The following LEPROTL1 variants were observed in gnomAD, a reference collection of about 807,000 sequenced individuals.
The protein encoded by LEPROTL1 is leptin receptor overlapping transcript like 1, also known as leptin receptor overlapping transcript-like 1.
LEPROTL1 carries 6 observed loss-of-function variants against 15.4 expected under a neutral mutation model. The ratio of observed to expected loss-of-function variants is 0.39; its 90% CI spans 0.21 to 0.77. The LOEUF is 0.77. LEPROTL1 is among the 30% of genes least tolerant of loss of function. LEPROTL1 has a pLI of 0.41. For synonymous variants in LEPROTL1, 56 were observed against 52.6 expected (o/e 1.06, Z -0.28); for missense variants, 128 against 158.1 (o/e 0.81, Z 1.02).
chr8:30,102,231 C>T (rs559757945), intron 2 of LEPROTL1, among the ~76,000 whole-genome samples: 1 of 152,250 alleles, frequency 6.6e-6, no homozygotes, highest in African/African-American at 2.4e-5. Flanking sequence ...CACAGTACCT[C>T]AGCCCTCCTG....
chr8:30,112,327 C>T (rs545777800), downstream of LEPROTL1, among the ~76,000 whole-genome samples: 19 of 147,632 alleles, frequency 1.3e-4, no homozygotes, highest in African/African-American at 4.7e-4. Flanking sequence ...CCTCCACCTC[C>T]TGGGTTCAAG....
At chr8:30,095,940 T>C in intron 1 of LEPROTL1, 1 of 690,102 alleles carries the variant, frequency 1.4e-6, no homozygotes, top group East Asian at 2.8e-5. Context: ...ATGCCAGCTA[T>C]GGAAAACCAG....
chr8:30,108,957 GT>G (rs1332378912), downstream of LEPROTL1, among the ~76,000 whole-genome samples: 1 of 152,016 alleles, frequency 6.6e-6, no homozygotes, highest in African/African-American at 2.4e-5. Flanking sequence ...TAGAGATGGG[GT>G]TTTGCCATGT....
At chr8:30,132,850 G>C (rs139513140) in intron 4 of LEPROTL1, 17 of 1,551,272 alleles carry the variant, frequency 1.1e-5, no homozygotes, top group Non-Finnish European at 1.3e-5. Context: ...AATGTCCAGA[G>C]AGAGGGACGT....
At chr8:30,128,947 C>T (rs1344490810) in intron 3 of LEPROTL1, among the ~76,000 whole-genome samples, 1 of 150,646 alleles carries the variant, frequency 6.6e-6, no homozygotes, top group East Asian at 2.0e-4. Flanking sequence ...GACAGAGTCT[C>T]TTTGACTATT....
downstream of LEPROTL1, among the ~76,000 whole-genome samples, chr8:30,112,758 A>G (rs1802674656): frequency 1.3e-5 from 2 of 152,034 alleles, no homozygotes; most frequent in Admixed American, 6.6e-5. Flanking sequence ...TATCTACCTC[A>G]TAAAGTGGTG....
intron 4 of LEPROTL1, among the ~76,000 whole-genome samples, chr8:30,134,614 C>T (rs1303358849): frequency 1.4e-5 from 2 of 146,484 alleles, no homozygotes; most frequent in Admixed American, 6.8e-5. Context: ...CGATCTCAGC[C>T]GCCCACTGCA....
At chr8:30,105,693 T>A (rs960924239) in intron 3 of LEPROTL1, 53 bp from the exon 4 acceptor site, 22 of 1,508,122 alleles carry the variant, frequency 1.5e-5, no homozygotes, top group South Asian at 1.4e-4. Flanking sequence ...TTTTTTTTTT[T>A]ATTTTCCTTT....
At chr8:30,109,166 T>A (rs2117493422), downstream of LEPROTL1, among the ~76,000 whole-genome samples, 1 of 152,354 alleles carries the variant, frequency 6.6e-6, no homozygotes, top group East Asian at 1.9e-4. Flanking sequence ...TAACTTTTAA[T>A]CAATGCACCA....
At chr8:30,104,621 T>G (rs1802529812) in intron 3 of LEPROTL1, 135 bp downstream of exon 3, 1 of 493,218 alleles carries the variant, frequency 2.0e-6, no homozygotes, top group Non-Finnish European at 3.4e-6. Flanking sequence ...AAAATCTCAC[T>G]TTATTGTTTG....
In LEPROTL1 at chr8:30,105,924, C is replaced by T; in HGVS notation, c.*62C>T. On this transcript the variant is annotated 3_prime_UTR_variant, in exon 4 of 4. Transcript: ENST00000321250. ...GTCATTTGTTGGCCATTCACGCACA[C>T]AGGAGATGGGGCAGTTAATGCTGAA... The T allele has an allele frequency of 7.0e-6, 10 of 1,420,224 alleles. No homozygotes were observed. Among genetic ancestry groups the T allele is most frequent in the Non-Finnish European group, 8.3e-6 (9 of 1,077,910 alleles). 88.0% of individuals were successfully genotyped at this position (1,420,224 alleles called of 1,614,324 possible).
At chr8:30,105,081 A>G (rs1365871567) in intron 3 of LEPROTL1, 1 of 152,296 alleles carries the variant, frequency 6.6e-6, no homozygotes, top group Non-Finnish European at 1.5e-5. Context: ...ACCCAGGCCT[A>G]TCCTGTAAAA....
chr8:30,110,532 G>A (rs1195174703), downstream of LEPROTL1, among the ~76,000 whole-genome samples: 2 of 152,012 alleles, frequency 1.3e-5, no homozygotes, highest in Admixed American at 6.6e-5. Context: ...TCAAAAGTTC[G>A]AGACCATCCT....
chr8:30,113,107 C>CAAA (rs578198019), downstream of LEPROTL1, among the ~76,000 whole-genome samples: 1 of 95,434 alleles, frequency 1.0e-5, no homozygotes. Context: ...CCCGTCTCTC[C>CAAA]AAAAAAAAAA....
chr8:30,122,018 T>A (rs1802835886), intron 3 of LEPROTL1, among the ~76,000 whole-genome samples: 1 of 151,500 alleles, frequency 6.6e-6, no homozygotes, highest in Non-Finnish European at 1.5e-5. Context: ...ATACAAAAAA[T>A]TAGCTGTACG....
chr8:30,106,421 G>T lies in LEPROTL1; in HGVS notation c.*559G>T. ...CAAATATAGCTGCATTTATACCTCA[G>T]AGGGGCCAAGTGTTAATGCCCATGC... On this transcript the variant is annotated 3_prime_UTR_variant, in exon 4 of 4. Coordinates refer to ENST00000321250, the MANE Select transcript of LEPROTL1 (RefSeq NM_015344.3). 1.0e-6 allele frequency: 1 copy of T among 985,784 alleles called. No individual in the cohort carries two copies. 61.1% of individuals were successfully genotyped at this position (985,784 alleles called of 1,614,324 possible).
In LEPROTL1 at chr8:30,107,130, T is replaced by G. The variant is rs1201763611; in HGVS notation, c.*1268T>G. ...TTTCCTGTATACCTCTGAACTGTTT[T>G]GATTTTGAGTTCATCATGATAGATC... On this transcript the variant is annotated 3_prime_UTR_variant, in exon 4 of 4. Coordinates refer to ENST00000321250, the MANE Select transcript of LEPROTL1 (RefSeq NM_015344.3). The G allele has an allele frequency of 4.1e-6, 4 of 983,944 alleles. No homozygotes were observed. Among genetic ancestry groups the G allele is most frequent in the Non-Finnish European group, 4.8e-6 (4 of 828,666 alleles). The allele number at this position is 983,944 out of a possible 1,614,324, so 61.0% of individuals were successfully genotyped here.
At position 30,122,115 on chromosome 8, in the gene LEPROTL1, C is replaced by T. The variant is rs1489978628; in HGVS notation, c.280-10260C>T. 4.0e-5 allele frequency among the ~76,000 whole-genome samples: 6 copies of T among 150,852 alleles called. 1 individual carries two copies. In the South Asian group the frequency reaches 1.0e-3, roughly 26 times the overall value. ...CCGGGAGGCCGAGGTTTCAGTGAGC[C>T]GAGATCATGCCACTGCACTCCAGCC... On this transcript the variant is annotated intron_variant, in intron 3 of 4. Transcript: ENST00000442880.
At chr8:30,101,842 T>C in intron 1 of LEPROTL1, 56 bp from the exon 2 acceptor site, 1 of 1,052,366 alleles carries the variant, frequency 9.5e-7, no homozygotes, top group Non-Finnish European at 1.4e-6. Context: ...ACTGCTGATA[T>C]TAATAAAAAT....
Sources: gnomAD v4.1 joint callset for allele counts (sites outside exome capture counted in the v4.1 genomes callset) on GRCh38, gnomAD v4.1.1 for gene constraint, MANE v1.5 for transcripts, NCBI Gene and HGNC (gene_info 2026-07-23, HGNC 2026-07-21) for gene names.